The following DAB2IP variants were observed in gnomAD, a reference collection of about 807,000 sequenced individuals.
DAB2IP encodes the protein DAB2 interacting protein, also known as disabled homolog 2-interacting protein.
Under a neutral mutation model 107.2 loss-of-function variants are expected in DAB2IP, and 28 were observed. The observed-to-expected ratio is 0.26, with a 90% CI of 0.19 to 0.36. DAB2IP has a LOEUF of 0.36. DAB2IP is among the 10% of genes least tolerant of loss of function. DAB2IP has a pLI of 1.00. For missense variants in DAB2IP, 1,400 were observed against 1,644.7 expected (o/e 0.85, Z 2.57); for synonymous variants, 755 against 706.4 (o/e 1.07, Z -1.09).
chr9:121,596,832 C>A (rs572529017), intron 1 of DAB2IP, among the ~76,000 whole-genome samples: 8 of 152,180 alleles, frequency 5.3e-5, no homozygotes, highest in Non-Finnish European at 7.3e-5. Flanking sequence ...CAGAGTGGCT[C>A]TACCCATTTC....
chr9:121,630,942 G>A (rs762305644), intron 1 of DAB2IP, among the ~76,000 whole-genome samples: 28 of 152,186 alleles, frequency 1.8e-4, no homozygotes, highest in Non-Finnish European at 3.7e-4. Context: ...TTCTGAGAGG[G>A]GGTCCTTAGA....
At chr9:121,665,775 A>G (rs1833393647) in intron 1 of DAB2IP, among the ~76,000 whole-genome samples, 1 of 152,234 alleles carries the variant, frequency 6.6e-6, no homozygotes, top group East Asian at 1.9e-4. Context: ...TGGTATTTCT[A>G]AAAGGAAGCT....
At chr9:121,688,829 G>T (rs1188132168) in intron 2 of DAB2IP, among the ~76,000 whole-genome samples, 1 of 152,288 alleles carries the variant, frequency 6.6e-6, no homozygotes. Context: ...TGGAGTAAGC[G>T]CAGGGTGAGC....
chr9:121,690,472 G>GTAGCCATC (rs1474632861), intron 2 of DAB2IP, among the ~76,000 whole-genome samples: 2 of 152,178 alleles, frequency 1.3e-5, no homozygotes, highest in African/African-American at 4.8e-5. Flanking sequence ...AAGAGCTGAT[G>GTAGCCATC]AGGTGTTTGT....
chr9:121,587,419 C>G (rs573646407), intron 1 of DAB2IP, among the ~76,000 whole-genome samples: 5 of 152,088 alleles, frequency 3.3e-5, no homozygotes, highest in South Asian at 2.1e-4. Context: ...ACCAGCCTGA[C>G]CAACATGATG....
intron 1 of DAB2IP, among the ~76,000 whole-genome samples, chr9:121,596,655 A>C (rs1211666132): frequency 6.6e-6 from 1 of 150,872 alleles, no homozygotes; most frequent in Non-Finnish European, 1.5e-5. Flanking sequence ...TTTGCTGACT[A>C]CCCCACAATT....
rs187927678 is a variant in DAB2IP, at chr9:121,602,817, C to T, written c.40+35589C>T. Among the ~76,000 whole-genome samples, 525 of 152,258 alleles carry T rather than the reference C, an allele frequency of 3.4e-3. 1 individual carries two copies. The highest frequency in any genetic ancestry group is 0.012 in the African/African-American group (504 of 41,554). On this transcript the variant is annotated intron_variant, in intron 1 of 16. Transcript: ENST00000259371. Reference sequence around the variant, plus strand: ...GCCTTGATCTCCTGACCTCGTGATCCGCCCACCTCGGCCTCCCAAAGTACT... The same window carrying T: ...GCCTTGATCTCCTGACCTCGTGATCTGCCCACCTCGGCCTCCCAAAGTACT...
chr9:121,737,174 C>T (rs1831990497), intron 3 of DAB2IP: 3 of 921,770 alleles, frequency 3.3e-6, no homozygotes, highest in South Asian at 4.8e-5. Context: ...TTGACCCAGA[C>T]CTCTGTGCTC....
At chr9:121,568,037 G>A (rs1484601560) in intron 1 of DAB2IP, among the ~76,000 whole-genome samples, 1 of 152,180 alleles carries the variant, frequency 6.6e-6, no homozygotes, top group Non-Finnish European at 1.5e-5. Flanking sequence ...TTGGGACTCA[G>A]CAGGGAGAAG....
intron 2 of DAB2IP, among the ~76,000 whole-genome samples, chr9:121,691,272 A>T (rs1829146977): frequency 6.6e-6 from 1 of 152,188 alleles, no homozygotes; most frequent in Non-Finnish European, 1.5e-5. Flanking sequence ...AAACACACTT[A>T]TAATTACAAC....
intron 1 of DAB2IP, among the ~76,000 whole-genome samples, chr9:121,582,102 AG>A (rs1219363986): frequency 2.0e-5 from 3 of 152,198 alleles, no homozygotes; most frequent in Admixed American, 6.5e-5. Context: ...GGGCTGGGGA[AG>A]GGGCTTGTCA....
At chr9:121,576,520 C>T (rs1270668606) in intron 1 of DAB2IP, among the ~76,000 whole-genome samples, 2 of 152,082 alleles carry the variant, frequency 1.3e-5, no homozygotes, top group African/African-American at 2.4e-5. Flanking sequence ...GTTTGGGCTG[C>T]CTAGGCTCCC....
At chr9:121,774,005 G>A (rs1175917082) in intron 12 of DAB2IP, among the ~76,000 whole-genome samples, 3 of 152,194 alleles carry the variant, frequency 2.0e-5, no homozygotes, top group Admixed American at 2.0e-4. Flanking sequence ...CAGTGGCAGG[G>A]TCACTCACTG....
chr9:121,765,493 G>A (rs1184950983), intron 8 of DAB2IP, among the ~76,000 whole-genome samples: 1 of 152,220 alleles, frequency 6.6e-6, no homozygotes, highest in Non-Finnish European at 1.5e-5. Flanking sequence ...GGCCTGTGGG[G>A]GAAGAAATTT....
chr9:121,582,954 A>T (rs1320740566), intron 1 of DAB2IP, among the ~76,000 whole-genome samples: 3 of 152,254 alleles, frequency 2.0e-5, no homozygotes, highest in Non-Finnish European at 4.4e-5. Flanking sequence ...GGCAGCCCTC[A>T]TGTGTGTCTC....
At chr9:121,703,479 G>A (rs1376967715) in intron 3 of DAB2IP, among the ~76,000 whole-genome samples, 1 of 152,108 alleles carries the variant, frequency 6.6e-6, no homozygotes, top group Non-Finnish European at 1.5e-5. Flanking sequence ...GGATGTATGT[G>A]ATCTTTGGAT....
chr9:121,685,115 T>A (rs1828803634), intron 2 of DAB2IP, among the ~76,000 whole-genome samples: 1 of 152,120 alleles, frequency 6.6e-6, no homozygotes, highest in South Asian at 2.1e-4. Flanking sequence ...GGCGGGGTGG[T>A]GGAAGAGCAA....
In DAB2IP at chr9:121,699,488, G is replaced by T; in HGVS notation, c.362+30G>T. ...GCCCGCCGCCGCCGCCCGGTCCCCC[G>T]CGCCGCCGCCCCGGGCTGCGCCCCT... is the stretch of plus-strand genomic sequence containing the variant. On this transcript the variant is annotated intron_variant, in intron 3 of 15. Coordinates refer to ENST00000408936, the Ensembl canonical transcript of DAB2IP. This position sits in a 1 kb window ranked among gnomAD's most constrained non-coding sequence, Gnocchi z 6.2. The T allele has an allele frequency of 7.9e-7, 1 of 1,267,778 alleles. No homozygotes were observed. The highest frequency in any genetic ancestry group is 1.0e-6 in the Non-Finnish European group (1 of 1,003,666). 78.5% of individuals were successfully genotyped at this position (1,267,778 alleles called of 1,614,324 possible).
intron 3 of DAB2IP, among the ~76,000 whole-genome samples, chr9:121,709,617 C>G (rs1589558257): frequency 6.6e-6 from 1 of 152,012 alleles, no homozygotes; most frequent in South Asian, 2.1e-4. Context: ...TGTAAGGCCC[C>G]CTGTCAAGCA....
Sources: gnomAD v4.1 joint callset for allele counts (sites outside exome capture counted in the v4.1 genomes callset) on GRCh38, gnomAD v4.1.1 for gene constraint, Gnocchi (gnomAD v3.1) non-coding constraint, MANE v1.5 for transcripts, NCBI Gene and HGNC (gene_info 2026-07-23, HGNC 2026-07-21) for gene names.